The following DLG2 variants were observed in gnomAD, a reference collection of about 807,000 sequenced individuals.
The protein encoded by DLG2 is disks large homolog 2.
Under a neutral mutation model 132.5 loss-of-function variants are expected in DLG2, and 45 were observed. The ratio of observed to expected loss-of-function variants is 0.34; its 90% confidence interval spans 0.27 to 0.44. DLG2 has a LOEUF of 0.44. Among genes scored for constraint, DLG2 ranks in the 20% least tolerant of loss-of-function variants. The pLI, the probability that DLG2 is intolerant of heterozygous loss-of-function variation, is 1.00. For synonymous variants in DLG2, 424 were observed against 419.6 expected (o/e 1.01, Z -0.13); for missense variants, 1,045 against 1,196.9 (o/e 0.87, Z 1.87).
intron 7 of DLG2, among the ~76,000 whole-genome samples, chr11:84,286,897 T>C (rs149547191): frequency 8.7e-4 from 132 of 152,280 alleles, no homozygotes; most frequent in African/African-American, 3.0e-3. Context: ...GCAGAGAGGA[T>C]AGTTAAGCGT....
At chr11:84,764,920 A>G (rs1402803690) in intron 6 of DLG2, among the ~76,000 whole-genome samples, 1 of 152,072 alleles carries the variant, frequency 6.6e-6, no homozygotes, top group Non-Finnish European at 1.5e-5. Context: ...GTGTAATGCT[A>G]AGCAGCTTAG....
intron 2 of DLG2, 116 bp from the exon 3 acceptor site, chr11:85,598,904 AATC>A (rs1237523700): frequency 7.8e-6 from 3 of 382,216 alleles, no homozygotes; most frequent in Non-Finnish European, 1.4e-5. Flanking sequence ...TTAATAAAAT[AATC>A]ATAATTTCTA....
intron 7 of DLG2, among the ~76,000 whole-genome samples, chr11:84,354,752 T>C (rs1029554204): frequency 1.3e-5 from 2 of 152,112 alleles, no homozygotes; most frequent in African/African-American, 4.8e-5. Flanking sequence ...TATTGTACAG[T>C]TAGGCTCACT....
chr11:83,824,642 A>T (rs1565216588), intron 17 of DLG2, among the ~76,000 whole-genome samples: 2 of 152,212 alleles, frequency 1.3e-5, no homozygotes, highest in African/African-American at 2.4e-5. Flanking sequence ...ATCAGCATTT[A>T]AAAAATTTGC....
chr11:83,889,267 A>G (rs1402433437), intron 15 of DLG2, among the ~76,000 whole-genome samples: 1 of 152,064 alleles, frequency 6.6e-6, no homozygotes, highest in African/African-American at 2.4e-5. Flanking sequence ...CAAGAAAAAA[A>G]CAAACAATCC....
chr11:84,005,153 C>T (rs1442596898), intron 11 of DLG2, among the ~76,000 whole-genome samples: 1 of 151,884 alleles, frequency 6.6e-6, no homozygotes, highest in Admixed American at 6.6e-5. Flanking sequence ...AAAATAGACA[C>T]TTAGACCAAT....
chr11:85,496,020 G>T (rs1324223177), intron 3 of DLG2, among the ~76,000 whole-genome samples: 1 of 152,160 alleles, frequency 6.6e-6, no homozygotes, highest in Non-Finnish European at 1.5e-5. Flanking sequence ...TTCCAGCTGA[G>T]GTACCTGATT....
At chr11:84,754,825 G>A (rs1324046868) in intron 6 of DLG2, among the ~76,000 whole-genome samples, 1 of 152,178 alleles carries the variant, frequency 6.6e-6, no homozygotes, top group Non-Finnish European at 1.5e-5. Context: ...TTACTCAATT[G>A]TTACAAATTT....
chr11:85,201,860 A>G (rs553830075), intron 4 of DLG2, among the ~76,000 whole-genome samples: 50 of 150,240 alleles, frequency 3.3e-4, no homozygotes, highest in African/African-American at 1.2e-3. Flanking sequence ...ACAGAGGATG[A>G]ATTCTGAAAT....
intron 6 of DLG2, among the ~76,000 whole-genome samples, chr11:84,633,457 C>G (rs935358812): frequency 6.6e-6 from 1 of 152,088 alleles, no homozygotes; most frequent in African/African-American, 2.4e-5. Flanking sequence ...ATATCCTACT[C>G]ATTCATTGAG....
intron 6 of DLG2, among the ~76,000 whole-genome samples, chr11:84,934,658 G>C (rs985929083): frequency 1.3e-5 from 2 of 150,556 alleles, no homozygotes; most frequent in Non-Finnish European, 3.0e-5. Context: ...AAATCTAGAA[G>C]AAATGGATAA....
At chr11:84,782,186 C>T (rs776234647) in intron 6 of DLG2, among the ~76,000 whole-genome samples, 1 of 152,052 alleles carries the variant, frequency 6.6e-6, no homozygotes, top group Non-Finnish European at 1.5e-5. Context: ...AACTTCCCCA[C>T]ACTCCAAGAT....
intron 25 of DLG2, among the ~76,000 whole-genome samples, chr11:83,467,789 A>G (rs1307003474): frequency 2.0e-5 from 2 of 100,904 alleles, no homozygotes; most frequent in Non-Finnish European, 3.8e-5. Flanking sequence ...ATATATATAT[A>G]TATATATATA....
intron 6 of DLG2, among the ~76,000 whole-genome samples, chr11:85,060,986 T>C (rs934543262): frequency 6.6e-6 from 1 of 151,802 alleles, no homozygotes; most frequent in Non-Finnish European, 1.5e-5. Flanking sequence ...TCGCTGATGG[T>C]TAGTGATGTT....
At chr11:83,541,084 C>A (rs1199187578) in intron 20 of DLG2, among the ~76,000 whole-genome samples, 3 of 151,714 alleles carry the variant, frequency 2.0e-5, no homozygotes, top group African/African-American at 7.3e-5. Context: ...ATCTTGGTGG[C>A]TATTGGAAGT....
intron 6 of DLG2, among the ~76,000 whole-genome samples, chr11:84,849,692 A>C (rs1478003170): frequency 3.3e-5 from 5 of 152,058 alleles, no homozygotes; most frequent in Non-Finnish European, 7.4e-5. Context: ...TGTTTTCTTC[A>C]GTTACGATAT....
intron 7 of DLG2, among the ~76,000 whole-genome samples, chr11:84,365,537 T>G (rs984506491): frequency 6.6e-6 from 1 of 152,128 alleles, no homozygotes; most frequent in Non-Finnish European, 1.5e-5. Flanking sequence ...TTTCAGTTAT[T>G]TCTTGCCTTC....
intron 8 of DLG2, among the ~76,000 whole-genome samples, chr11:84,179,253 T>C (rs12799079): frequency 0.039 from 5,898 of 152,244 alleles, 173 homozygotes; most frequent in Middle Eastern, 0.065. Flanking sequence ...ACTACATAAA[T>C]AGCTTAGAAG....
At chr11:83,514,788 CAT>C (rs2095224184) in intron 21 of DLG2, among the ~76,000 whole-genome samples, 1 of 152,124 alleles carries the variant, frequency 6.6e-6, no homozygotes, top group South Asian at 2.1e-4. Context: ...TTGAGACAAT[CAT>C]GTGGTTTTTG....
Sources: allele counts gnomAD v4.1 joint callset (sites outside exome capture counted in the v4.1 genomes callset), GRCh38; gene constraint gnomAD v4.1.1; transcripts MANE v1.5; gene names NCBI Gene and HGNC (gene_info 2026-07-23, HGNC 2026-07-21).